The following CD53 variants were observed in gnomAD, a reference collection of about 807,000 sequenced individuals.
The protein encoded by CD53 is CD53 molecule.
In CD53, 20 loss-of-function variants were observed where a neutral mutation model predicts 27.3. The ratio of observed to expected loss-of-function variants is 0.73; its 90% confidence interval spans 0.52 to 1.07. The LOEUF (loss-of-function observed/expected upper bound fraction) is 1.07, where lower values mean the gene tolerates loss of function less well. Ranked by LOEUF, CD53 falls within the 50% of genes least tolerant of loss-of-function variation. The pLI is 0.00. For synonymous variants in CD53, 106 were observed against 105.3 expected (o/e 1.01, Z -0.04); for missense variants, 216 against 264.0 (o/e 0.82, Z 1.26).
intron 6 of CD53, 191 bp from the exon 7 acceptor site, chr1:110,897,618 A>G (rs140062354): frequency 2.7e-5 from 13 of 479,842 alleles, no homozygotes; most frequent in African/African-American, 1.6e-4. Flanking sequence ...TAACACCACC[A>G]GAAAAGTCTG....
chr1:110,899,144 A>G lies in CD53; in HGVS notation c.609A>G (p.Ala203=), dbSNP rs368760369. 1.5e-5 allele frequency: 24 copies of G among 1,613,826 alleles called. No homozygotes were observed. Among genetic ancestry groups the G allele is most frequent in the Admixed American group, 3.3e-5 (2 of 59,992 alleles). The change falls in exon 8 of 8, where the codon GCA becomes GCG. Residue 203 remains alanine (A), a synonymous_variant. Transcript: ENST00000271324. ...CACAGGTGTTGGGGATGTCCTTTGC[A>G]CTGACCCTGAACTGCCAGATTGACA... ...CVIEVLGMSF[A]LTLNCQIDKT...
chr1:110,883,312 G>A (rs1178076446), intron 1 of CD53, among the ~76,000 whole-genome samples: 6 of 151,926 alleles, frequency 3.9e-5, no homozygotes, highest in African/African-American at 1.4e-4. Context: ...CTATTGAGAT[G>A]ATAATTTATT....
rs562618640 is a variant in CD53 at position 110,878,998 on chromosome 1, T to C, written c.-18+5750T>C. Among the ~76,000 whole-genome samples the C allele has an allele frequency of 4.9e-3, 735 of 151,284 alleles. 5 individuals are homozygous for C. The highest frequency in any genetic ancestry group is 0.017 in the African/African-American group (709 of 40,908). ...AATAGGTACAAATGGAAAAAAAACATGTGCTTTTCTTTATTGTTTGATTTC... is the reference window on the plus strand; with the variant it reads ...AATAGGTACAAATGGAAAAAAAACACGTGCTTTTCTTTATTGTTTGATTTC... On this transcript the variant is annotated intron_variant, in intron 1 of 7. Coordinates refer to ENST00000271324, the MANE Select transcript of CD53 (RefSeq NM_000560.4).
At chr1:110,873,779 C>T (rs1656031259) in intron 1 of CD53, among the ~76,000 whole-genome samples, 1 of 152,092 alleles carries the variant, frequency 6.6e-6, no homozygotes, top group African/African-American at 2.4e-5. Context: ...ATCAAAACAC[C>T]AGGATGTGCT....
chr1:110,897,597 C>A, intron 6 of CD53: 2 of 445,028 alleles, frequency 4.5e-6, no homozygotes, highest in South Asian at 3.2e-5. Flanking sequence ...CATTAGTTAC[C>A]ACTGTAATGA....
At position 110,898,385 on chromosome 1, in the gene CD53, A is replaced by AAG. The variant is rs1657159679; in HGVS notation, c.588+494_588+495insGA. On this transcript the variant is annotated intron_variant, in intron 7 of 7. Coordinates refer to ENST00000271324, the MANE Select transcript of CD53 (RefSeq NM_000560.4). ...GAGCGAGACTCTGTCTCCAGAAAAAAAAAAAAAAAAAGAACATCTCTCTGG... is the reference window on the plus strand; with the variant it reads ...GAGCGAGACTCTGTCTCCAGAAAAAAAGAAAAAAAAAAAGAACATCTCTCTGG... Among the ~76,000 whole-genome samples the AAG allele has an allele frequency of 9.9e-5, 15 of 151,194 alleles. No individual in the cohort carries two copies. The South Asian group carries it at 2.9e-3, about 30-fold the overall frequency.
intron 1 of CD53, among the ~76,000 whole-genome samples, chr1:110,884,849 GC>G (rs1656507427): frequency 9.2e-5 from 1 of 10,848 alleles, no homozygotes; most frequent in Non-Finnish European, 1.6e-3. Flanking sequence ...TATTTTAAAT[GC>G]ATTTTTTTGT....
upstream of CD53, among the ~76,000 whole-genome samples, chr1:110,871,265 A>T (rs931724625): frequency 1.3e-5 from 2 of 152,180 alleles, no homozygotes; most frequent in African/African-American, 4.8e-5. Flanking sequence ...CACAGGTAAA[A>T]GATAAAGACT....
intron 3 of CD53, among the ~76,000 whole-genome samples, chr1:110,893,532 A>AG (rs1656939006): frequency 6.6e-6 from 1 of 152,170 alleles, no homozygotes; most frequent in Admixed American, 6.5e-5. Flanking sequence ...ATATTGGTCA[A>AG]GCTGGTCTCT....
At chr1:110,872,826 C>T (rs193143456), upstream of CD53, among the ~76,000 whole-genome samples, 1 of 150,832 alleles carries the variant, frequency 6.6e-6, no homozygotes, top group Admixed American at 6.5e-5. Context: ...TCTTTTTGAA[C>T]AAATACACAG....
intron 3 of CD53, among the ~76,000 whole-genome samples, chr1:110,893,314 GT>G (rs1314877545): frequency 2.0e-5 from 3 of 151,902 alleles, no homozygotes; most frequent in African/African-American, 4.8e-5. Flanking sequence ...TTTTTGTTTT[GT>G]TTTTTTCTTC....
intron 1 of CD53, among the ~76,000 whole-genome samples, chr1:110,889,402 T>C (rs536936194): frequency 2.8e-4 from 42 of 151,156 alleles, no homozygotes; most frequent in African/African-American, 9.2e-4. Context: ...TAAAAAAAAA[T>C]ACAAAAATTA....
intron 1 of CD53, chr1:110,880,201 T>C (rs1330019309): frequency 6.6e-6 from 1 of 152,014 alleles, no homozygotes; most frequent in Admixed American, 6.6e-5. Flanking sequence ...TGTCGGTTCC[T>C]CTAGATGGTA....
At chr1:110,892,587 C>G in intron 3 of CD53, 54 bp downstream of exon 3, 1 of 1,392,754 alleles carries the variant, frequency 7.2e-7, no homozygotes. Flanking sequence ...GTGCCTAAAT[C>G]CCAGGCAAGA....
chr1:110,896,238 T>A (rs1000289726), intron 5 of CD53, among the ~76,000 whole-genome samples: 1 of 152,218 alleles, frequency 6.6e-6, no homozygotes, highest in African/African-American at 2.4e-5. Flanking sequence ...ACTTAAAAGT[T>A]TGATGTGGTT....
intron 1 of CD53, among the ~76,000 whole-genome samples, chr1:110,873,921 C>T (rs977018322): frequency 2.0e-5 from 3 of 152,174 alleles, no homozygotes; most frequent in Admixed American, 6.5e-5. Context: ...CAAAACATGA[C>T]CACTGATAAA....
intron 1 of CD53, among the ~76,000 whole-genome samples, chr1:110,874,874 T>G (rs1159920367): frequency 6.6e-6 from 1 of 152,238 alleles, no homozygotes; most frequent in East Asian, 1.9e-4. Context: ...CCTCGGACTC[T>G]GGTTCTCCTT....
At chr1:110,899,051 G>A in intron 7 of CD53, 73 bp from the exon 8 acceptor site, 1 of 1,136,736 alleles carries the variant, frequency 8.8e-7, no homozygotes, top group South Asian at 1.3e-5. Flanking sequence ...TTTTCTCAGA[G>A]GCCAATCCCA....
intron 7 of CD53, among the ~76,000 whole-genome samples, chr1:110,898,099 C>T (rs1008231124): frequency 2.0e-5 from 3 of 152,066 alleles, no homozygotes; most frequent in South Asian, 2.1e-4. Flanking sequence ...ATCTCTTGGC[C>T]GGGCGTGGTG....
Sources: allele counts gnomAD v4.1 joint callset (sites outside exome capture counted in the v4.1 genomes callset), GRCh38; gene constraint gnomAD v4.1.1; transcripts MANE v1.5; gene names NCBI Gene and HGNC (gene_info 2026-07-23, HGNC 2026-07-21).